The following TFDP2 variants were observed in gnomAD, a reference collection of about 807,000 sequenced individuals.
The protein encoded by TFDP2 is transcription factor Dp-2, also known as transcription factor Dp-2 (E2F dimerization partner 2).
Under a neutral mutation model 59.3 loss-of-function variants are expected in TFDP2, and 17 were observed. The ratio of observed to expected loss-of-function variants is 0.29; its 90% CI spans 0.20 to 0.43. The LOEUF (loss-of-function observed/expected upper bound fraction) is 0.43. TFDP2 is among the 20% of genes least tolerant of loss of function. The probability of loss-of-function intolerance (pLI) is 1.00; values close to 1 mark genes in which losing one functional copy is unlikely to be tolerated. For synonymous variants in TFDP2, 180 were observed against 194.7 expected (o/e 0.92, Z 0.63); for missense variants, 391 against 528.8 (o/e 0.74, Z 2.56).
intron 1 of TFDP2, among the ~76,000 whole-genome samples, chr3:142,115,780 G>A (rs577349041): frequency 6.6e-6 from 1 of 152,034 alleles, no homozygotes; most frequent in African/African-American, 2.4e-5. Context: ...TTACAATAGT[G>A]CTACCTTCTT....
At chr3:142,125,491 T>TACACAC (rs199600921) in intron 1 of TFDP2, among the ~76,000 whole-genome samples, 4 of 151,946 alleles carry the variant, frequency 2.6e-5, no homozygotes, top group South Asian at 2.1e-4. Flanking sequence ...ATCATACACA[T>TACACAC]ACACACACAC....
At chr3:141,958,031 G>A (rs1936908805) in intron 11 of TFDP2, among the ~76,000 whole-genome samples, 2 of 152,034 alleles carry the variant, frequency 1.3e-5, no homozygotes. Context: ...CACCTGATTA[G>A]GAAAATAGAA....
intron 6 of TFDP2, among the ~76,000 whole-genome samples, chr3:141,980,238 TA>T (rs199763613): frequency 5.2e-3 from 577 of 111,256 alleles, no homozygotes; most frequent in Non-Finnish European, 7.2e-3. Flanking sequence ...GTTTCAAAAG[TA>T]AAAAAAAAAA....
In TFDP2 at chr3:142,052,226, T is replaced by C. The variant is rs141808455; in HGVS notation, c.82+40835A>G. On this transcript the variant is annotated intron_variant, in intron 3 of 12. Coordinates refer to ENST00000489671, the MANE Select transcript of TFDP2 (RefSeq NM_001178139.2). ...AGGAATATAGCAACGTAAAAACTTA[T>C]AGGAAAATGTACGAGAAAACCTTAG... Among the ~76,000 whole-genome samples the C allele has an allele frequency of 3.9e-4, 60 of 152,158 alleles. 1 individual carries two copies. The highest frequency in any genetic ancestry group is 1.2e-3 in the African/African-American group (50 of 41,514).
At chr3:142,073,053 C>A (rs1576907184) in intron 3 of TFDP2, among the ~76,000 whole-genome samples, 1 of 152,270 alleles carries the variant, frequency 6.6e-6, no homozygotes, top group South Asian at 2.1e-4. Context: ...AGGTTCACAT[C>A]AACAGTGATA....
In TFDP2 at chr3:141,952,600, G is replaced by C. The variant is rs1306811740; in HGVS notation, c.1254C>G (p.His418Gln). 2.5e-6 allele frequency: 4 copies of C among 1,580,244 alleles called. No individual in the cohort carries two copies. In the African/African-American group the frequency reaches 5.5e-5, roughly 22 times the overall value. Reference protein sequence around the residue: ...NSHQSSSAASHCSESRGETPC... With the variant: ...NSHQSSSAASQCSESRGETPC... Reference sequence around the variant, plus strand: ...GGGTCTCGCCTCGGGACTCGGAGCAGTGAGAGGCCGCACTGCTGGACTGGT... The same window carrying C: ...GGGTCTCGCCTCGGGACTCGGAGCACTGAGAGGCCGCACTGCTGGACTGGT... Residue 418 changes from histidine (H) to glutamine (Q), a missense_variant, in exon 13 of 13, where the codon CAC becomes CAG. Physicochemically the swap from His to Gln is conservative, Grantham distance 24 (BLOSUM62 0). Transcript: ENST00000489671.
chr3:142,034,148 T>C (rs985944914), intron 3 of TFDP2, among the ~76,000 whole-genome samples: 1 of 143,376 alleles, frequency 7.0e-6, no homozygotes, highest in African/African-American at 2.6e-5. Context: ...CAGGCTGGAG[T>C]GCAATGGCGT....
At chr3:141,983,325 C>T (rs989469750) in intron 6 of TFDP2, among the ~76,000 whole-genome samples, 1 of 152,020 alleles carries the variant, frequency 6.6e-6, no homozygotes, top group Non-Finnish European at 1.5e-5. Flanking sequence ...CAACAAAAAA[C>T]GAAACAACTC....
chr3:142,082,476 G>A (rs941804709), intron 3 of TFDP2, among the ~76,000 whole-genome samples: 1 of 152,098 alleles, frequency 6.6e-6, no homozygotes, highest in East Asian at 1.9e-4. Context: ...AAAGGTTGGG[G>A]ACCATTGAAA....
At chr3:142,104,373 T>C (rs940507464) in intron 1 of TFDP2, among the ~76,000 whole-genome samples, 4 of 152,208 alleles carry the variant, frequency 2.6e-5, no homozygotes, top group African/African-American at 9.6e-5. Flanking sequence ...ATTTTGAAGA[T>C]TAATATTTCA....
intron 1 of TFDP2, among the ~76,000 whole-genome samples, chr3:142,108,651 T>C (rs1045547973): frequency 6.6e-6 from 1 of 152,248 alleles, no homozygotes; most frequent in South Asian, 2.1e-4. Context: ...TTTATTTGAC[T>C]AGCCTCTACT....
rs1352995169 is a variant in TFDP2, at chr3:142,029,436, C to T, written c.83-23892G>A. Reference sequence around the variant, plus strand: ...GGTTAAGTACCTTTCTCCATTTTCTCAAGAGGGAACTCAATTATGTTGTCC... The same window carrying T: ...GGTTAAGTACCTTTCTCCATTTTCTTAAGAGGGAACTCAATTATGTTGTCC... On this transcript the variant is annotated intron_variant, in intron 3 of 12. Transcript: ENST00000489671. 4.2e-5 allele frequency among the ~76,000 whole-genome samples: 6 copies of T among 142,856 alleles called. No homozygotes were observed. The East Asian group carries it at 1.2e-3, about 29-fold the overall frequency. The allele number at this position is 142,856 out of a possible 152,430, so 93.7% of individuals were successfully genotyped here. A position where few individuals can be genotyped will look rare whatever the true frequency, so the allele number is the denominator to read the frequency against.
intron 3 of TFDP2, 95 bp from the exon 4 acceptor site, chr3:142,005,639 G>T: frequency 1.3e-6 from 1 of 743,488 alleles, no homozygotes; most frequent in South Asian, 2.2e-5. Context: ...ATTATGTTGA[G>T]GTAATTTATA....
chr3:142,013,719 TTGAG>T (rs1328583980), intron 3 of TFDP2, among the ~76,000 whole-genome samples: 1 of 152,228 alleles, frequency 6.6e-6, no homozygotes, highest in Non-Finnish European at 1.5e-5. Flanking sequence ...TTTCAATTTA[TTGAG>T]TAACTGAAAT....
chr3:142,075,908 A>G (rs1054155006), intron 3 of TFDP2, among the ~76,000 whole-genome samples: 15 of 144,966 alleles, frequency 1.0e-4, no homozygotes, highest in African/African-American at 3.0e-4. Flanking sequence ...ACCTGCCTCA[A>G]AAAAAAAAAA....
chr3:142,070,283 GT>G (rs151309814), intron 3 of TFDP2, among the ~76,000 whole-genome samples: 1 of 151,994 alleles, frequency 6.6e-6, no homozygotes, highest in Non-Finnish European at 1.5e-5. Flanking sequence ...ATACATCAGT[GT>G]TTTTATTTTT....
At chr3:142,055,174 G>A (rs2059698116) in intron 3 of TFDP2, among the ~76,000 whole-genome samples, 1 of 152,184 alleles carries the variant, frequency 6.6e-6, no homozygotes, top group Non-Finnish European at 1.5e-5. Flanking sequence ...CTACATATAA[G>A]AGAAATGAGC....
Position 141,952,685 on chromosome 3 carries a change from C to A in TFDP2, c.1169G>T (p.Gly390Val). 1 of 1,609,712 alleles carries A rather than the reference C, an allele frequency of 6.2e-7. No individual in the cohort carries two copies. The change falls in exon 13 of 13, where the codon GGG becomes GTG. Residue 390 changes from glycine (G) to valine (V), a missense_variant. By Grantham distance (109) the Gly-to-Val change is moderately radical (BLOSUM62 -3). Coordinates refer to ENST00000489671, the MANE Select transcript of TFDP2 (RefSeq NM_001178139.2). Reference sequence around the variant, plus strand: ...GGCCACTTCTGCATCCAAGCATAACCCTTGGTTTACACTAGCAAACAATTA... The same window carrying A: ...GGCCACTTCTGCATCCAAGCATAACACTTGGTTTACACTAGCAAACAATTA... ...ATLPQSSVNQ[G>V]LCLDAEVALA...
intron 1 of TFDP2, chr3:142,126,254 C>T (rs1341069974): frequency 6.7e-6 from 1 of 150,324 alleles, no homozygotes; most frequent in African/African-American, 2.4e-5. Context: ...TCTTGGCTCA[C>T]TGCAACCTCC....
Sources: gnomAD v4.1 joint callset for allele counts (sites outside exome capture counted in the v4.1 genomes callset) on GRCh38, gnomAD v4.1.1 for gene constraint, MANE v1.5 for transcripts, NCBI Gene and HGNC (gene_info 2026-07-23, HGNC 2026-07-21) for gene names.